CDH18: variants seen among roughly 807,000 people sequenced by gnomAD.
CDH18 encodes the protein cadherin-18.
In CDH18, 31 loss-of-function variants were observed where a neutral mutation model predicts 67.9. The observed-to-expected ratio is 0.46, with a 90% CI of 0.34 to 0.62. CDH18 has a LOEUF of 0.62. Ranked by LOEUF, CDH18 falls within the 20% of genes least tolerant of loss-of-function variation. The pLI is 0.01. For synonymous variants in CDH18, 362 were observed against 347.2 expected (o/e 1.04, Z -0.48); for missense variants, 890 against 975.5 (o/e 0.91, Z 1.17).
At chr5:20,188,446 T>G (rs2126708763) in intron 2 of CDH18, among the ~76,000 whole-genome samples, 1 of 152,124 alleles carries the variant, frequency 6.6e-6, no homozygotes, top group Middle Eastern at 3.4e-3. Flanking sequence ...GTTGACCATT[T>G]TCATCATCAG....
intron 2 of CDH18, among the ~76,000 whole-genome samples, chr5:20,111,235 T>C (rs184489887): frequency 6.6e-6 from 1 of 152,310 alleles, no homozygotes; most frequent in Non-Finnish European, 1.5e-5. Context: ...TTTCTCTTCC[T>C]AAGTATTACT....
rs116072796 is a variant in CDH18 at position 19,665,410 on chromosome 5, C to T, written c.644-52809G>A. Reference sequence around the variant, plus strand: ...TCTATATCTACATAGATACTCCATGCTCAGTGTTAATTTTTGTATGTGGAA... The same window carrying T: ...TCTATATCTACATAGATACTCCATGTTCAGTGTTAATTTTTGTATGTGGAA... On this transcript the variant is annotated intron_variant, in intron 5 of 12. Coordinates refer to ENST00000382275, the MANE Select transcript of CDH18 (RefSeq NM_004934.5). Among the ~76,000 whole-genome samples the T allele has an allele frequency of 5.2e-3, 784 of 152,032 alleles. 7 individuals carry two copies. The highest frequency in any genetic ancestry group is 0.018 in the African/African-American group (759 of 41,518).
At chr5:19,532,931 A>T (rs1387092963) in intron 9 of CDH18, among the ~76,000 whole-genome samples, 2 of 152,168 alleles carry the variant, frequency 1.3e-5, no homozygotes, top group African/African-American at 4.8e-5. Flanking sequence ...ATTGAGGGAG[A>T]AATCAGATTT....
intron 2 of CDH18, among the ~76,000 whole-genome samples, chr5:19,921,700 CAA>C (rs976891243): frequency 3.4e-4 from 52 of 152,004 alleles, no homozygotes; most frequent in Middle Eastern, 6.8e-3. Context: ...AATAAAGAAA[CAA>C]AGTCTTAAAA....
chr5:19,968,850 A>C (rs13185922), intron 2 of CDH18, among the ~76,000 whole-genome samples: 62,272 of 142,146 alleles, frequency 0.44, 15,663 homozygotes, highest in Middle Eastern at 0.65. Context: ...AATGGGATCT[A>C]ATTAAACTAA....
chr5:20,044,632 T>G (rs914348862), intron 2 of CDH18, among the ~76,000 whole-genome samples: 1 of 152,168 alleles, frequency 6.6e-6, no homozygotes, highest in Non-Finnish European at 1.5e-5. Flanking sequence ...TACCACTTCC[T>G]TGAGAGCCCT....
At chr5:19,477,365 G>C (rs113565502) in intron 12 of CDH18, among the ~76,000 whole-genome samples, 97 of 151,308 alleles carry the variant, frequency 6.4e-4, no homozygotes, top group African/African-American at 2.2e-3. Flanking sequence ...ATGGCACCAG[G>C]TAGATACTCC....
intron 2 of CDH18, among the ~76,000 whole-genome samples, chr5:20,220,578 GGTA>G (rs1741145417): frequency 6.6e-6 from 1 of 151,832 alleles, no homozygotes; most frequent in South Asian, 2.1e-4. Context: ...AAATTTCTTG[GGTA>G]GTACTCCACG....
chr5:20,359,339 A>T (rs1741900909), intron 1 of CDH18, among the ~76,000 whole-genome samples: 1 of 152,206 alleles, frequency 6.6e-6, no homozygotes, highest in African/African-American at 2.4e-5. Flanking sequence ...GTTGTTGCTA[A>T]TAATGAAGCA....
At chr5:19,595,363 T>A (rs888663835) in intron 6 of CDH18, among the ~76,000 whole-genome samples, 2 of 152,162 alleles carry the variant, frequency 1.3e-5, no homozygotes, top group Admixed American at 1.3e-4. Context: ...GGAAAGACAT[T>A]CAGTGTTCAT....
At chr5:19,790,089 T>C (rs964179122) in intron 3 of CDH18, among the ~76,000 whole-genome samples, 2 of 152,098 alleles carry the variant, frequency 1.3e-5, no homozygotes, top group African/African-American at 4.8e-5. Context: ...ACAGGACTCA[T>C]TGCACTATAT....
At chr5:19,550,108 T>C (rs938254366) in intron 8 of CDH18, among the ~76,000 whole-genome samples, 1 of 151,934 alleles carries the variant, frequency 6.6e-6, no homozygotes, top group Non-Finnish European at 1.5e-5. Context: ...TGGAGACTAG[T>C]GCTTTCTGGT....
At chr5:19,797,586 A>C (rs894346191) in intron 3 of CDH18, among the ~76,000 whole-genome samples, 1 of 152,040 alleles carries the variant, frequency 6.6e-6, no homozygotes, top group Non-Finnish European at 1.5e-5. Context: ...TGCATTTACA[A>C]TCACTAAAAG....
chr5:20,486,793 A>G lies in CDH18; in HGVS notation c.-580+88669T>C, dbSNP rs551455646. ...TGAATGGTACTGTATGTTATCTACT[A>G]AAATTTGTCAAAATTTTCTATTTCT... On this transcript the variant is annotated intron_variant, in intron 1 of 14. Coordinates refer to the CDH18 transcript ENST00000507958. Among the ~76,000 whole-genome samples the G allele has an allele frequency of 3.3e-5, 5 of 151,696 alleles. No individual in the cohort carries two copies. The East Asian group carries it at 9.6e-4, about 29-fold the overall frequency.
chr5:20,183,281 G>A lies in CDH18; in HGVS notation c.-518+72163C>T, dbSNP rs1325555907. ...ACCTTAGATTCATGTACACAGAACC[G>A]CTTTTTAAAATTCCCTCAGTAGTTT... On this transcript the variant is annotated intron_variant, in intron 2 of 14. Transcript: ENST00000507958. Among the ~76,000 whole-genome samples, 54 of 151,942 alleles carry A rather than the reference G, an allele frequency of 3.6e-4. 1 individual carries two copies. Among genetic ancestry groups the A allele is most frequent in the Admixed American group, 3.3e-3 (51 of 15,224 alleles).
intron 1 of CDH18, among the ~76,000 whole-genome samples, chr5:20,438,009 AT>A (rs1455987489): frequency 6.6e-6 from 1 of 151,276 alleles, no homozygotes; most frequent in Non-Finnish European, 1.5e-5. Flanking sequence ...TTTTAAGGGT[AT>A]TTTTGACATT....
At chr5:20,369,814 C>T (rs929877459) in intron 1 of CDH18, among the ~76,000 whole-genome samples, 3 of 152,144 alleles carry the variant, frequency 2.0e-5, no homozygotes, top group African/African-American at 7.2e-5. Context: ...AAGCACACAG[C>T]AGCATTTTAT....
rs59248561 is a variant in CDH18 at position 19,774,808 on chromosome 5, C to CAAAAAAAAAAAAAAA, written c.229-27587_229-27573dup. The stretch of plus-strand genomic sequence containing the variant: ...TGAGTGACAGAGCAAGACTCTGTCT[C>CAAAAAAAAAAAAAAA]AAAAAAAAAAAAAAAAAAAAAAAAA... On this transcript the variant is annotated intron_variant, in intron 3 of 12. Transcript: ENST00000382275. 8.5e-4 allele frequency among the ~76,000 whole-genome samples: 30 copies of CAAAAAAAAAAAAAAA among 35,414 alleles called. 10 individuals carry two copies. The highest frequency in any genetic ancestry group is 1.5e-3 in the Non-Finnish European group (29 of 19,262). The allele number at this position is 35,414 out of a possible 152,430, so 23.2% of individuals were successfully genotyped here.
At chr5:19,900,168 T>A (rs1561528373) in intron 2 of CDH18, among the ~76,000 whole-genome samples, 2 of 151,922 alleles carry the variant, frequency 1.3e-5, no homozygotes, top group Admixed American at 6.6e-5. Flanking sequence ...GTAATCTCAC[T>A]CAAATGTGAA....
Sources: allele counts gnomAD v4.1 joint callset (sites outside exome capture counted in the v4.1 genomes callset), GRCh38; gene constraint gnomAD v4.1.1; transcripts MANE v1.5; gene names NCBI Gene and HGNC (gene_info 2026-07-23, HGNC 2026-07-21).